The following FAAH2 variants were observed in gnomAD, a reference collection of about 807,000 sequenced individuals.
FAAH2 encodes fatty acid amide hydrolase 2, also known as fatty-acid amide hydrolase 2.
A neutral mutation model predicts 36.9 loss-of-function variants in FAAH2; 60 were observed. The ratio of observed to expected loss-of-function variants is 1.63; its 90% confidence interval spans 1.32 to 2.02. The LOEUF (loss-of-function observed/expected upper bound fraction) is 2.02. FAAH2 is among the 30% of genes most tolerant of loss of function. The pLI, the probability that FAAH2 is intolerant of heterozygous loss-of-function variation, is 0.00. For synonymous variants in FAAH2, 214 were observed against 143.8 expected, an observed-to-expected ratio of 1.49 and a Z score of -3.49; for missense variants, 689 against 397.5, an observed-to-expected ratio of 1.73 and a Z score of -6.23.
chrX:57,195,034 C>T, the FAAH2 span, among the ~76,000 whole-genome samples: 2 of 110,974 alleles, frequency 1.8e-5, no homozygotes, highest in African/African-American at 3.3e-5. Context: ...TTTGGACTGG[C>T]TCCATATTTT....
At chrX:57,380,364 T>C (rs1272665659) in intron 6 of FAAH2, among the ~76,000 whole-genome samples, 2 of 111,320 alleles carry the variant, frequency 1.8e-5, no homozygotes, top group African/African-American at 6.5e-5. Flanking sequence ...GTCTATTTAC[T>C]ACTACAGGAA....
intron 7 of FAAH2, among the ~76,000 whole-genome samples, chrX:57,385,865 A>C (rs2147249236): frequency 9.4e-6 from 1 of 106,576 alleles, no homozygotes; most frequent in African/African-American, 3.4e-5. Context: ...TGAAGATCGC[A>C]CCACTGCACT....
chrX:57,233,847 G>A, the FAAH2 span, among the ~76,000 whole-genome samples: 1 of 112,360 alleles, frequency 8.9e-6, no homozygotes, highest in Admixed American at 9.4e-5. Context: ...GTTTTGCCAT[G>A]TTGGCCAGGC....
At chrX:57,220,108 C>G in the FAAH2 span, among the ~76,000 whole-genome samples, 2 of 108,528 alleles carry the variant, frequency 1.8e-5, no homozygotes, top group Admixed American at 2.0e-4. Context: ...ATTCTAGCCG[C>G]CCTAATCACC....
At chrX:57,437,468 T>A (rs1479527813) in intron 8 of FAAH2, among the ~76,000 whole-genome samples, 5 of 110,031 alleles carry the variant, frequency 4.5e-5, no homozygotes, top group Admixed American at 9.9e-5. Context: ...TATAATCTTA[T>A]ATCTTGAAAA....
intron 7 of FAAH2, among the ~76,000 whole-genome samples, chrX:57,391,142 A>G (rs1437470557): frequency 1.0e-4 from 11 of 110,508 alleles, no homozygotes; most frequent in Non-Finnish European, 1.9e-5. Context: ...AGAAATGTCT[A>G]TTCATGTTTT....
intron 3 of FAAH2, among the ~76,000 whole-genome samples, chrX:57,322,438 T>C (rs2053057432): frequency 8.9e-6 from 1 of 111,739 alleles, no homozygotes; most frequent in Non-Finnish European, 1.9e-5. Context: ...TTTTTTTTCT[T>C]TCATTTCAAC....
chrX:57,259,779 A>T, the FAAH2 span, among the ~76,000 whole-genome samples: 6 of 111,988 alleles, frequency 5.4e-5, no homozygotes, highest in Non-Finnish European at 9.4e-5. Context: ...GTATCAAAAC[A>T]CCACATTGTA....
the FAAH2 span, among the ~76,000 whole-genome samples, chrX:57,141,330 A>G: frequency 1.8e-5 from 2 of 112,076 alleles, no homozygotes; most frequent in Non-Finnish European, 3.8e-5. Context: ...TGTTGGATTC[A>G]GTTTGCTAGT....
chrX:57,209,266 C>T, the FAAH2 span, among the ~76,000 whole-genome samples: 3 of 112,058 alleles, frequency 2.7e-5, no homozygotes, highest in African/African-American at 9.7e-5. Context: ...TCCATGGCCA[C>T]CACAGCTTAG....
chrX:57,295,491 C>T (rs1166163551), intron 2 of FAAH2, among the ~76,000 whole-genome samples: 3 of 111,748 alleles, frequency 2.7e-5, no homozygotes, highest in Non-Finnish European at 3.8e-5. Context: ...CCAAGATGGC[C>T]GAATAGGAAC....
chrX:57,378,193 G>A (rs1201860841), intron 5 of FAAH2, among the ~76,000 whole-genome samples: 2 of 111,977 alleles, frequency 1.8e-5, no homozygotes, highest in Non-Finnish European at 3.8e-5. Context: ...TGTTCTTTGC[G>A]GAAAATTGCA....
intron 2 of FAAH2, among the ~76,000 whole-genome samples, chrX:57,300,393 C>T (rs370026232): frequency 2.4e-4 from 27 of 111,399 alleles, no homozygotes; most frequent in African/African-American, 5.5e-4. Context: ...CTGTGAAAAC[C>T]GGCTAGCTAT....
the FAAH2 span, among the ~76,000 whole-genome samples, chrX:57,215,929 A>G: frequency 1.2e-5 from 1 of 81,737 alleles, no homozygotes; most frequent in African/African-American, 5.8e-5. Context: ...ATATATATAT[A>G]TATATACCTG....
chrX:57,330,716 C>G (rs957067028), intron 3 of FAAH2, among the ~76,000 whole-genome samples: 9 of 111,710 alleles, frequency 8.1e-5, no homozygotes, highest in African/African-American at 2.9e-4. Context: ...TTTAAAATTT[C>G]TTTCTTTTGT....
chrX:57,232,341 G>A, the FAAH2 span, among the ~76,000 whole-genome samples: 32 of 111,543 alleles, frequency 2.9e-4, no homozygotes, highest in Non-Finnish European at 4.3e-4. Flanking sequence ...GTGAGGGAGA[G>A]GGCTGAGGCC....
At chrX:57,469,434 G>A (rs888822893) in intron 10 of FAAH2, among the ~76,000 whole-genome samples, 4 of 111,324 alleles carry the variant, frequency 3.6e-5, no homozygotes, top group Non-Finnish European at 5.7e-5. Context: ...ACAAAAAAAG[G>A]CAGGGGTTGC....
the FAAH2 span, among the ~76,000 whole-genome samples, chrX:57,281,503 G>A: frequency 8.9e-6 from 1 of 111,986 alleles, no homozygotes; most frequent in Non-Finnish European, 1.9e-5. Flanking sequence ...TTGTATATGT[G>A]CATGTGTGCA....
At chrX:57,468,826 A>G (rs1181688384) in intron 10 of FAAH2, among the ~76,000 whole-genome samples, 4 of 111,740 alleles carry the variant, frequency 3.6e-5, no homozygotes, top group African/African-American at 1.3e-4. Flanking sequence ...ATGAAGGAAA[A>G]AATATTAAGG....
Sources: gnomAD v4.1 joint callset for allele counts (sites outside exome capture counted in the v4.1 genomes callset) on GRCh38, gnomAD v4.1.1 for gene constraint, MANE v1.5 for transcripts, NCBI Gene and HGNC (gene_info 2026-07-23, HGNC 2026-07-21) for gene names.